The following BNC2 variants were observed in gnomAD, a reference collection of about 807,000 sequenced individuals.
The protein encoded by BNC2 is basonuclin zinc finger protein 2, also known as zinc finger protein basonuclin-2.
In BNC2, 20 loss-of-function variants were observed where a neutral mutation model predicts 76.3. That is an observed-to-expected ratio of 0.26 (90% CI 0.18 to 0.38). The LOEUF is 0.38. BNC2 is among the 10% of genes least tolerant of loss of function. BNC2 has a pLI of 1.00. For missense variants in BNC2, 1,382 were observed against 1,399.8 expected, an observed-to-expected ratio of 0.99 and a Z score of 0.20; for synonymous variants, 582 against 514.8, an observed-to-expected ratio of 1.13 and a Z score of -1.77.
intron 1 of BNC2, among the ~76,000 whole-genome samples, chr9:16,831,680 A>G (rs1376403552): frequency 6.6e-6 from 1 of 152,184 alleles, no homozygotes; most frequent in Non-Finnish European, 1.5e-5. Context: ...TAAGATACCC[A>G]TATGAACAGA....
At chr9:16,642,634 T>C (rs1290301627) in intron 3 of BNC2, among the ~76,000 whole-genome samples, 1 of 152,218 alleles carries the variant, frequency 6.6e-6, no homozygotes, top group African/African-American at 2.4e-5. Context: ...GTAGGAAGAC[T>C]GTCATCACTA....
At chr9:16,657,308 G>C (rs530829973) in intron 3 of BNC2, among the ~76,000 whole-genome samples, 2 of 152,256 alleles carry the variant, frequency 1.3e-5, no homozygotes, top group South Asian at 4.1e-4. Context: ...GATTGAACTG[G>C]AACAATGAAG....
rs535817595 is a variant in BNC2 at position 16,731,303 on chromosome 9, G to T, written c.130-3306C>A. ...CTGATTCTGAGTATTTCAGGTTAAAGAATCAGAAGTACTTAAAGGCCATCT... is the reference window on the plus strand; with the variant it reads ...CTGATTCTGAGTATTTCAGGTTAAATAATCAGAAGTACTTAAAGGCCATCT... On this transcript the variant is annotated intron_variant, in intron 2 of 6. Coordinates refer to ENST00000380672, the MANE Select transcript of BNC2 (RefSeq NM_017637.6). Among the ~76,000 whole-genome samples, 14 of 152,288 alleles carry T rather than the reference G, an allele frequency of 9.2e-5. No individual in the cohort carries two copies. In the East Asian group the frequency reaches 2.3e-3, roughly 25 times the overall value.
chr9:16,555,663 C>G (rs1216088305), intron 4 of BNC2, among the ~76,000 whole-genome samples: 1 of 152,014 alleles, frequency 6.6e-6, no homozygotes, highest in African/African-American at 2.4e-5. Context: ...GACATGGTGG[C>G]GCCCACCTGT....
At chr9:16,446,764 T>C (rs1587036882) in intron 5 of BNC2, among the ~76,000 whole-genome samples, 1 of 147,670 alleles carries the variant, frequency 6.8e-6, no homozygotes, top group Non-Finnish European at 1.5e-5. Context: ...TACAGCGTTT[T>C]TATTTTAAAA....
intron 3 of BNC2, among the ~76,000 whole-genome samples, chr9:16,651,503 C>G (rs1034659757): frequency 6.6e-6 from 1 of 152,200 alleles, no homozygotes; most frequent in Non-Finnish European, 1.5e-5. Context: ...TTACCCTCCA[C>G]CAGTCACTTG....
At chr9:16,549,053 CA>C (rs1389201710) in intron 5 of BNC2, among the ~76,000 whole-genome samples, 1 of 152,158 alleles carries the variant, frequency 6.6e-6, no homozygotes, top group East Asian at 1.9e-4. Flanking sequence ...GCATCACTAT[CA>C]TCTCCCTTTT....
At chr9:16,789,423 T>C (rs1214296876) in intron 1 of BNC2, among the ~76,000 whole-genome samples, 1 of 152,158 alleles carries the variant, frequency 6.6e-6, no homozygotes, top group Non-Finnish European at 1.5e-5. Context: ...CCCCATTGCC[T>C]ACAAGTTCCA....
chr9:16,629,663 A>AT (rs202237491), intron 3 of BNC2, among the ~76,000 whole-genome samples: 8 of 151,646 alleles, frequency 5.3e-5, no homozygotes, highest in East Asian at 3.9e-4. Flanking sequence ...AAGTCACATG[A>AT]TTTTTTTTTG....
In BNC2 at chr9:16,580,831, C is replaced by T. The variant is rs368151727; in HGVS notation, c.433+2152G>A. On this transcript the variant is annotated intron_variant, in intron 4 of 6. Coordinates refer to ENST00000380672, the MANE Select transcript of BNC2 (RefSeq NM_017637.6). ...TAATATGTATTAGTTAGAAAGGCTT[C>T]ATATATTTTCTCTTTAATTTTCATA... is the stretch of plus-strand genomic sequence containing the variant. Among the ~76,000 whole-genome samples the T allele has an allele frequency of 2.0e-5, 3 of 152,252 alleles. No individual in the cohort carries two copies. The East Asian group carries it at 5.8e-4, about 29-fold the overall frequency.
At chr9:16,565,582 G>T (rs761968513) in intron 4 of BNC2, among the ~76,000 whole-genome samples, 3 of 152,076 alleles carry the variant, frequency 2.0e-5, no homozygotes, top group Non-Finnish European at 2.9e-5. Flanking sequence ...GGCTGAGGTG[G>T]GTGGGTCACT....
At chr9:16,779,247 T>A (rs910392396) in intron 1 of BNC2, among the ~76,000 whole-genome samples, 7 of 147,614 alleles carry the variant, frequency 4.7e-5, no homozygotes, top group Admixed American at 1.4e-4. Context: ...GAGGCTGCAG[T>A]GAGCCAGTAT....
chr9:16,538,712 A>G (rs529186451), intron 5 of BNC2, among the ~76,000 whole-genome samples: 3 of 152,338 alleles, frequency 2.0e-5, no homozygotes, highest in East Asian at 1.9e-4. Context: ...TTTTAATTCA[A>G]AAAGTGGGGG....
chr9:16,661,111 G>A (rs970344939), intron 3 of BNC2, among the ~76,000 whole-genome samples: 2 of 152,166 alleles, frequency 1.3e-5, no homozygotes, highest in East Asian at 1.9e-4. Flanking sequence ...CCTTCCCAAC[G>A]TCATGTGGTA....
chr9:16,524,492 G>GT (rs113060898), intron 5 of BNC2, among the ~76,000 whole-genome samples: 5,852 of 150,592 alleles, frequency 0.039, 373 homozygotes, highest in African/African-American at 0.13. Context: ...TCCATTTCCT[G>GT]TTTTTTTTTG....
chr9:16,472,319 G>T (rs573555381), intron 5 of BNC2, among the ~76,000 whole-genome samples: 1 of 152,200 alleles, frequency 6.6e-6, no homozygotes, highest in Non-Finnish European at 1.5e-5. Context: ...AGACAGAGTT[G>T]CAGGGGTAAA....
At chr9:16,694,974 C>A (rs900094081) in intron 3 of BNC2, among the ~76,000 whole-genome samples, 2 of 152,068 alleles carry the variant, frequency 1.3e-5, no homozygotes, top group Admixed American at 1.3e-4. Context: ...TGAATGTAAA[C>A]CCGTCCTACC....
chr9:16,839,869 C>A (rs1426563802), intron 1 of BNC2, among the ~76,000 whole-genome samples: 1 of 152,208 alleles, frequency 6.6e-6, no homozygotes, highest in Admixed American at 6.5e-5. Flanking sequence ...TACAAACATG[C>A]ATGCCTGCAA....
intron 1 of BNC2, among the ~76,000 whole-genome samples, chr9:16,817,255 T>C (rs916067424): frequency 6.6e-6 from 1 of 152,152 alleles, no homozygotes; most frequent in Non-Finnish European, 1.5e-5. Flanking sequence ...CTAGAAACAC[T>C]GCTGCCTGAA....
Sources: allele counts gnomAD v4.1 joint callset (sites outside exome capture counted in the v4.1 genomes callset), GRCh38; gene constraint gnomAD v4.1.1; transcripts MANE v1.5; gene names NCBI Gene and HGNC (gene_info 2026-07-23, HGNC 2026-07-21).